SLC6A5: variants seen among roughly 807,000 people sequenced by gnomAD.
The protein encoded by SLC6A5 is sodium- and chloride-dependent glycine transporter 2.
A neutral mutation model predicts 90.5 loss-of-function variants in SLC6A5; 58 were observed. The ratio of observed to expected loss-of-function variants is 0.64; its 90% CI spans 0.52 to 0.80. The LOEUF is 0.80. Among genes scored for constraint, SLC6A5 ranks in the 30% least tolerant of loss-of-function variants. The pLI is 0.00. For synonymous variants in SLC6A5, 427 were observed against 401.4 expected, an observed-to-expected ratio of 1.06 and a Z score of -0.76; for missense variants, 1,015 against 1,017.6, an observed-to-expected ratio of 1.00 and a Z score of 0.03.
At position 20,656,425 on chromosome 11, in the gene SLC6A5, T is replaced by G. The variant is rs887464819; in HGVS notation, c.*1557T>G. 6.6e-6 allele frequency: 1 copy of G among 152,174 alleles called. No homozygotes were observed. Among genetic ancestry groups the G allele is most frequent in the Non-Finnish European group, 1.5e-5 (1 of 68,030 alleles). The allele number at this position is 152,174 out of a possible 1,614,324, so 9.4% of individuals were successfully genotyped here. A position where few individuals can be genotyped will look rare whatever the true frequency, so the allele number is the denominator to read the frequency against. ...TCATAGTACAGGGTCTCAGGCAAAGTTTTTCAGTTCAAATCTTGTATATTG... is the reference window on the plus strand; with the variant it reads ...TCATAGTACAGGGTCTCAGGCAAAGGTTTTCAGTTCAAATCTTGTATATTG... On this transcript the variant is annotated 3_prime_UTR_variant, in exon 16 of 16. Transcript: ENST00000525748.
intron 5 of SLC6A5, among the ~76,000 whole-genome samples, chr11:20,609,335 T>C (rs1361048772): frequency 6.6e-6 from 1 of 152,080 alleles, no homozygotes; most frequent in Admixed American, 6.6e-5. Flanking sequence ...ACACTCTTTC[T>C]TTGTGCAGCC....
In SLC6A5 at chr11:20,600,399, G is replaced by GAAGAA. The variant is rs1555037542; in HGVS notation, c.3+725_4-725dup. On this transcript the variant is annotated intron_variant, in intron 1 of 15. Coordinates refer to ENST00000525748, the MANE Select transcript of SLC6A5 (RefSeq NM_004211.5). ...AGAAGAAGAAGAAGAAGAAGAAGAA[G>GAAGAA]AAGAAGAAGAAGACCTAAACAAAAG... 2.0e-3 allele frequency among the ~76,000 whole-genome samples: 278 copies of GAAGAA among 139,150 alleles called. 7 individuals are homozygous for GAAGAA. Among genetic ancestry groups the GAAGAA allele is most frequent in the African/African-American group, 6.9e-3 (260 of 37,736 alleles). 91.3% of individuals were successfully genotyped at this position (139,150 alleles called of 152,430 possible). A position where few individuals can be genotyped will look rare whatever the true frequency, so the allele number is the denominator to read the frequency against.
chr11:20,626,807 A>C lies in SLC6A5; in HGVS notation c.1360A>C (p.Ile454Leu). 2 of 1,613,952 alleles carry C rather than the reference A, an allele frequency of 1.2e-6. No individual in the cohort carries two copies. Among genetic ancestry groups the C allele is most frequent in the South Asian group, 1.1e-5 (1 of 91,056 alleles). ...PGAGAGIWYF[I>L]TPKWEKLTDA... ...AGCTGGAGCTGGGATCTGGTACTTC[A>C]TCACACCCAAGTGGGAGAAACTCAC... Residue 454 changes from isoleucine to leucine, a missense_variant, in exon 8 of 16, where the codon ATC becomes CTC. By Grantham distance (5) the Ile-to-Leu change is conservative. Around this residue, in one of 3 missense-constraint regions of SLC6A5, gnomAD observed 442 missense variants for 494.3 expected, o/e 0.89. Coordinates refer to ENST00000525748, the MANE Select transcript of SLC6A5 (RefSeq NM_004211.5).
chr11:20,630,104 T>A (rs1853080031), intron 9 of SLC6A5, among the ~76,000 whole-genome samples: 1 of 152,186 alleles, frequency 6.6e-6, no homozygotes, highest in Non-Finnish European at 1.5e-5. Flanking sequence ...TTTTTGTATC[T>A]TTAACTGACT....
chr11:20,607,103 C>T lies in SLC6A5; in HGVS notation c.776C>T (p.Pro259Leu). ...VSLGQFASQGPVSVWKAIPAL... is the reference protein window; with the variant it reads ...VSLGQFASQGLVSVWKAIPAL... ...CTGGGCCAGTTTGCCAGCCAGGGAC[C>T]AGTGTCTGTGTGGAAGGCCATCCCA... is the stretch of plus-strand genomic sequence containing the variant. The change falls in exon 4 of 16, where the codon CCA becomes CTA. Residue 259 changes from proline (P) to leucine (L), a missense_variant. This residue lies in a region of SLC6A5 where 567 missense variants were observed against 507.3 expected (regional missense o/e 1.12). Coordinates refer to ENST00000525748, the MANE Select transcript of SLC6A5 (RefSeq NM_004211.5). 1 of 1,614,106 alleles carries T rather than the reference C, an allele frequency of 6.2e-7. No individual in the cohort carries two copies. Among genetic ancestry groups the T allele is most frequent in the South Asian group, 1.1e-5 (1 of 91,078 alleles).
In SLC6A5 at chr11:20,601,389, G is replaced by A. The variant is rs1319524049; in HGVS notation, c.264G>A (p.Gln88=). Residue 88 remains glutamine, a synonymous_variant, in exon 2 of 16, where the codon CAG becomes CAA. Coordinates refer to ENST00000525748, the MANE Select transcript of SLC6A5 (RefSeq NM_004211.5). ...GCAAACTCAGTAGCCCGCGGGCGCA[G>A]GCGGCCTCTGCAGCTCTGCGGGACT... ...GSCKLSSPRA[Q]AASAALRDLR... 5 of 1,604,186 alleles carry A rather than the reference G, an allele frequency of 3.1e-6. No homozygotes were observed. In the African/African-American group the frequency reaches 5.3e-5, roughly 17 times the overall value.
intron 8 of SLC6A5, among the ~76,000 whole-genome samples, chr11:20,627,372 T>C (rs1274725599): frequency 6.6e-6 from 1 of 152,112 alleles, no homozygotes; most frequent in Non-Finnish European, 1.5e-5. Context: ...GAGGGGGTGA[T>C]TGTTGAAGGG....
At chr11:20,629,471 A>G (rs1853065920) in intron 9 of SLC6A5, among the ~76,000 whole-genome samples, 1 of 152,186 alleles carries the variant, frequency 6.6e-6, no homozygotes, top group Non-Finnish European at 1.5e-5. Flanking sequence ...TAGACTGAGT[A>G]ATATTTTTTC....
intron 10 of SLC6A5, among the ~76,000 whole-genome samples, chr11:20,633,533 G>A (rs1853145666): frequency 6.6e-6 from 1 of 152,182 alleles, no homozygotes; most frequent in African/African-American, 2.4e-5. Flanking sequence ...TTGATGCATT[G>A]CACTGACCAG....
rs1453860190 is a variant in SLC6A5 at position 20,604,332 on chromosome 11, G to T, written c.587G>T (p.Ser196Ile). Residue 196 changes from serine to isoleucine, a missense_variant, in exon 3 of 16, where the codon AGC becomes ATC. Transcript: ENST00000525748. The stretch of plus-strand genomic sequence containing the variant: ...AATAAGGCCCGAGGGAACTGGTCCA[G>T]CAAACTGGACTTCATCCTGTCCATG... The part of the protein sequence containing the change: ...DENKARGNWS[S>I]KLDFILSMVG... The T allele has an allele frequency of 6.2e-7, 1 of 1,613,820 alleles. No homozygotes were observed. The highest frequency in any genetic ancestry group is 2.2e-5 in the East Asian group (1 of 44,868).
At chr11:20,605,910 C>T (rs973116069) in intron 3 of SLC6A5, among the ~76,000 whole-genome samples, 2 of 152,226 alleles carry the variant, frequency 1.3e-5, no homozygotes, top group Non-Finnish European at 2.9e-5. Context: ...CAGCCGGCGG[C>T]TGCCCCTGGG....
At chr11:20,602,314 C>T (rs1852495723) in intron 2 of SLC6A5, among the ~76,000 whole-genome samples, 1 of 152,118 alleles carries the variant, frequency 6.6e-6, no homozygotes, top group East Asian at 1.9e-4. Flanking sequence ...AGCTTCAAGC[C>T]CCACCAATCT....
At chr11:20,602,250 C>G (rs1340520793) in intron 2 of SLC6A5, among the ~76,000 whole-genome samples, 1 of 152,126 alleles carries the variant, frequency 6.6e-6, no homozygotes, top group Admixed American at 6.5e-5. Context: ...CTGGTGTCTA[C>G]TTTTGCCATA....
In SLC6A5 at chr11:20,614,911, C is replaced by T. The variant is rs550737059; in HGVS notation, c.1127+91C>T. 8 of 1,254,940 alleles carry T rather than the reference C, an allele frequency of 6.4e-6. No individual in the cohort carries two copies. In the East Asian group the frequency reaches 1.6e-4, roughly 26 times the overall value. The allele number at this position is 1,254,940 out of a possible 1,614,324, so 77.7% of individuals were successfully genotyped here. The stretch of plus-strand genomic sequence containing the variant: ...ATTTGCAGACCAGAGGTGTGGGTAG[C>T]CCAAGGGATGAGATCAGAGAGGAAG... On this transcript the variant is annotated intron_variant, in intron 6 of 15. Coordinates refer to ENST00000525748, the MANE Select transcript of SLC6A5 (RefSeq NM_004211.5).
At chr11:20,649,032 A>G (rs1460965223) in intron 14 of SLC6A5, among the ~76,000 whole-genome samples, 2 of 152,168 alleles carry the variant, frequency 1.3e-5, no homozygotes, top group Non-Finnish European at 2.9e-5. Flanking sequence ...GCCAATACCT[A>G]TATATTATCT....
intron 5 of SLC6A5, among the ~76,000 whole-genome samples, chr11:20,609,286 T>A (rs1188524800): frequency 2.6e-5 from 4 of 151,730 alleles, no homozygotes; most frequent in Admixed American, 6.6e-5. Flanking sequence ...ATTTTTAATT[T>A]TTTTTTTTTT....
In SLC6A5 at chr11:20,608,462, C is replaced by A. The variant is rs529208434; in HGVS notation, c.985+810C>A. On this transcript the variant is annotated intron_variant, in intron 5 of 15. Transcript: ENST00000525748. ...CTGGGTCAAGTAACTCTCTCTGGAT[C>A]TGTTTTCCTTCTCTAAAAAACAGAA... Among the ~76,000 whole-genome samples the A allele has an allele frequency of 5.9e-5, 9 of 152,308 alleles. No individual in the cohort carries two copies. The East Asian group carries it at 1.4e-3, about 23-fold the overall frequency.
chr11:20,648,691 T>C (rs1023528769), intron 14 of SLC6A5, among the ~76,000 whole-genome samples: 1 of 152,210 alleles, frequency 6.6e-6, no homozygotes, highest in African/African-American at 2.4e-5. Context: ...TGGTTTATGC[T>C]TGATTAAAAT....
intron 10 of SLC6A5, among the ~76,000 whole-genome samples, chr11:20,633,055 C>T (rs1001896656): frequency 6.6e-6 from 1 of 151,950 alleles, no homozygotes; most frequent in Non-Finnish European, 1.5e-5. Flanking sequence ...GGCATGTTCT[C>T]GGGGAACTAC....
Sources: allele counts gnomAD v4.1 joint callset (sites outside exome capture counted in the v4.1 genomes callset), GRCh38; gene constraint gnomAD v4.1.1; regional missense constraint gnomAD v4.1.1; transcripts MANE v1.5; gene names NCBI Gene and HGNC (gene_info 2026-07-23, HGNC 2026-07-21).